NUGGC: variants seen among roughly 807,000 people sequenced by gnomAD.
NUGGC encodes the protein nuclear GTPase, germinal center associated.
NUGGC carries 58 observed loss-of-function variants against 92.6 expected under a neutral mutation model. The ratio of observed to expected loss-of-function variants is 0.63; its 90% confidence interval spans 0.51 to 0.78. The LOEUF (loss-of-function observed/expected upper bound fraction) is 0.78. Ranked by LOEUF, NUGGC falls within the 30% of genes least tolerant of loss-of-function variation. The pLI is 0.00. For missense variants in NUGGC, 925 were observed against 964.6 expected (o/e 0.96, Z 0.54); for synonymous variants, 376 against 366.4 (o/e 1.03, Z -0.30).
chr8:28,076,707 C>T (rs1022490742), intron 1 of NUGGC, among the ~76,000 whole-genome samples: 1 of 152,062 alleles, frequency 6.6e-6, no homozygotes, highest in African/African-American at 2.4e-5. Flanking sequence ...GACTGCTCCA[C>T]GGGGATGAGG....
chr8:28,031,788 G>A (rs567589830), intron 14 of NUGGC, among the ~76,000 whole-genome samples: 3 of 152,366 alleles, frequency 2.0e-5, no homozygotes, highest in South Asian at 2.1e-4. Flanking sequence ...GTGGAAAGAA[G>A]AAATTATTCC....
At chr8:28,046,864 T>C (rs1809851067) in intron 11 of NUGGC, among the ~76,000 whole-genome samples, 1 of 151,426 alleles carries the variant, frequency 6.6e-6, no homozygotes, top group Admixed American at 6.6e-5. Flanking sequence ...AAATGGGGTT[T>C]CACCATATTG....
intron 7 of NUGGC, among the ~76,000 whole-genome samples, chr8:28,063,104 G>C (rs902681767): frequency 6.6e-6 from 1 of 152,154 alleles, no homozygotes; most frequent in Non-Finnish European, 1.5e-5. Context: ...ACGGGTTTTA[G>C]GGAAGGCAAG....
At position 28,060,495 on chromosome 8, in the gene NUGGC, C is replaced by T. The variant is rs765201779; in HGVS notation, c.1028G>A (p.Arg343Gln). Residue 343 changes from arginine (R) to glutamine (Q), a missense_variant, in exon 8 of 19, where the codon CGG becomes CAG. Physicochemically the swap from Arg to Gln is conservative, Grantham distance 43 (BLOSUM62 1). Transcript: ENST00000413272. Reference sequence around the variant, plus strand: ...CAGGGCCACGTCCCTACAGAAGCCCCGCTGGCAGGCTTTGATGCTCTCATT... The same window carrying T: ...CAGGGCCACGTCCCTACAGAAGCCCTGCTGGCAGGCTTTGATGCTCTCATT... ...LLNESIKACQ[R>Q]GFCRDVALVV... is the part of the protein sequence containing the mutation. The T allele has an allele frequency of 8.1e-6, 13 of 1,613,794 alleles. No homozygotes were observed. The Admixed American group carries it at 1.5e-4, about 19-fold the overall frequency.
At chr8:28,071,716 T>C (rs1260607707) in intron 2 of NUGGC, among the ~76,000 whole-genome samples, 3 of 152,134 alleles carry the variant, frequency 2.0e-5, no homozygotes, top group Non-Finnish European at 4.4e-5. Context: ...CACCCCCTGG[T>C]CATGTTTACC....
intron 7 of NUGGC, 91 bp downstream of exon 7, chr8:28,064,431 C>A: frequency 9.3e-7 from 1 of 1,076,596 alleles, no homozygotes; most frequent in South Asian, 1.5e-5. Flanking sequence ...AACTCAAAAT[C>A]CCTGAAGCTG....
intron 5 of NUGGC, 72 bp from the exon 6 acceptor site, chr8:28,067,816 T>C (rs1171648252): frequency 2.1e-5 from 25 of 1,208,818 alleles, no homozygotes; most frequent in Non-Finnish European, 3.0e-5. Context: ...GAGGGGCCCA[T>C]TGCCCCCTGT....
At position 28,067,709 on chromosome 8, in the gene NUGGC, G is replaced by A. The variant is rs1208097176; in HGVS notation, c.516C>T (p.Leu172=). The change falls in exon 6 of 19, where the codon CTC becomes CTT. Residue 172 remains leucine (L), a synonymous_variant. Coordinates refer to ENST00000413272, the MANE Select transcript of NUGGC (RefSeq NM_001010906.2). The part of the protein sequence containing the change: ...WREELKNLTK[L]LHRTEELSRE... ...TGCTCAGCTCCTCCGTCCTATGCAG[G>A]AGTTTGGTCAGGTTCTTCAGCTCCT... 1 of 1,613,786 alleles carries A rather than the reference G, an allele frequency of 6.2e-7. No homozygotes were observed. The highest frequency in any genetic ancestry group is 8.5e-7 in the Non-Finnish European group (1 of 1,179,830).
chr8:28,026,556 G>T (rs17485559), intron 18 of NUGGC, among the ~76,000 whole-genome samples: 40 of 152,026 alleles, frequency 2.6e-4, no homozygotes, highest in Non-Finnish European at 8.8e-5. Context: ...GAGCAGGGCA[G>T]AGCTGTGGAT....
intron 12 of NUGGC, 118 bp from the exon 13 acceptor site, chr8:28,041,333 G>A (rs1157658424): frequency 3.0e-6 from 3 of 1,013,376 alleles, no homozygotes; most frequent in South Asian, 1.6e-5. Flanking sequence ...ACTCAGAGCT[G>A]ACTTCTCTTT....
chr8:28,067,188 A>G (rs1484556391), intron 6 of NUGGC, among the ~76,000 whole-genome samples: 1 of 152,168 alleles, frequency 6.6e-6, no homozygotes, highest in Admixed American at 6.5e-5. Flanking sequence ...CTCTTACATG[A>G]GAAAAGGAAT....
At position 28,047,528 on chromosome 8, in the gene NUGGC, G is replaced by C. The variant is rs1267351157; in HGVS notation, c.1291C>G (p.Leu431Val). 2 of 1,562,050 alleles carry C rather than the reference G, an allele frequency of 1.3e-6. No individual in the cohort carries two copies. ...VSAQEYWQQA[L>V]LTEEETEIPK... ...TTACCCGTTTCCTCCTCGGTGAGGA[G>C]AGCCTGCTGCCAGTACTCCTGGGCG... is the stretch of plus-strand genomic sequence containing the variant. Residue 431 changes from leucine to valine, a missense_variant, in exon 11 of 19, where the codon CTC (leucine) becomes GTC (valine). Physicochemically the swap from Leu to Val is conservative, Grantham distance 32. Coordinates refer to ENST00000413272, the MANE Select transcript of NUGGC (RefSeq NM_001010906.2).
chr8:28,038,178 A>G (rs1009414020), intron 13 of NUGGC, among the ~76,000 whole-genome samples: 3 of 152,142 alleles, frequency 2.0e-5, no homozygotes, highest in Non-Finnish European at 2.9e-5. Flanking sequence ...ATTTGCAGCC[A>G]AAAGATTCCA....
intron 10 of NUGGC, among the ~76,000 whole-genome samples, chr8:28,051,253 G>GT (rs1480442235): frequency 1.4e-4 from 22 of 152,220 alleles, no homozygotes; most frequent in Non-Finnish European, 3.1e-4. Flanking sequence ...CAGCAAGAAT[G>GT]TTTTTTAAAT....
chr8:28,044,750 T>C (rs1312179051), intron 12 of NUGGC, among the ~76,000 whole-genome samples: 3 of 152,172 alleles, frequency 2.0e-5, no homozygotes, highest in Non-Finnish European at 4.4e-5. Flanking sequence ...GATAAGAGGT[T>C]GGTTTCTGGG....
chr8:28,075,832 G>C (rs959986146), intron 1 of NUGGC, among the ~76,000 whole-genome samples: 5 of 152,150 alleles, frequency 3.3e-5, no homozygotes, highest in Non-Finnish European at 7.4e-5. Flanking sequence ...CTGAGTCTTA[G>C]GTAGAGCTCT....
intron 5 of NUGGC, 25 bp from the exon 6 acceptor site, chr8:28,067,769 C>G (rs757432160): frequency 3.2e-6 from 5 of 1,559,252 alleles, no homozygotes; most frequent in South Asian, 1.1e-5. Flanking sequence ...TAGGGCCAAG[C>G]CCCTCTTGAC....
In NUGGC at chr8:28,041,613, T is replaced by G. The variant is rs1477841818; in HGVS notation, c.1447-398A>C. Among the ~76,000 whole-genome samples the G allele has an allele frequency of 4.0e-5, 6 of 151,876 alleles. No individual in the cohort carries two copies. The East Asian group carries it at 1.2e-3, about 29-fold the overall frequency. On this transcript the variant is annotated intron_variant, in intron 12 of 18. Coordinates refer to ENST00000413272, the MANE Select transcript of NUGGC (RefSeq NM_001010906.2). ...CGGGCTTGGACTCTGCACGAAGGAG[T>G]TTTTAAGGATAATGCTTCTTAAATT...
chr8:28,070,667 C>T (rs1029507631), intron 2 of NUGGC, among the ~76,000 whole-genome samples: 2 of 150,850 alleles, frequency 1.3e-5, no homozygotes, highest in Admixed American at 1.3e-4. Flanking sequence ...ATGATCACGA[C>T]TCACTGCAAC....
Sources: gnomAD v4.1 joint callset for allele counts (sites outside exome capture counted in the v4.1 genomes callset) on GRCh38, gnomAD v4.1.1 for gene constraint, MANE v1.5 for transcripts, NCBI Gene and HGNC (gene_info 2026-07-23, HGNC 2026-07-21) for gene names.